Variants in ARID4A observed in about 807,000 individuals in gnomAD.
ARID4A encodes the protein AT-rich interaction domain 4A, also known as AT-rich interactive domain-containing protein 4A.
ARID4A carries 39 observed loss-of-function variants against 148.6 expected under a neutral mutation model. That is an observed-to-expected ratio of 0.26 (90% CI 0.20 to 0.34). The LOEUF (loss-of-function observed/expected upper bound fraction) is 0.34. ARID4A is among the 10% of genes least tolerant of loss of function. The probability of loss-of-function intolerance (pLI) is 1.00; values close to 1 mark genes in which losing one functional copy is unlikely to be tolerated. For synonymous variants in ARID4A, 475 were observed against 481.2 expected (o/e 0.99, Z 0.17); for missense variants, 1,265 against 1,449.1 (o/e 0.87, Z 2.06).
intron 3 of ARID4A, among the ~76,000 whole-genome samples, chr14:58,303,137 A>G (rs12323535): frequency 6.6e-6 from 1 of 151,932 alleles, no homozygotes; most frequent in African/African-American, 2.4e-5. Flanking sequence ...TCATATAGTT[A>G]ATGAAGTCCT....
In ARID4A at chr14:58,364,771, A is replaced by G; in HGVS notation, c.2682A>G (p.Gly894=). 1 of 1,614,150 alleles carries G rather than the reference A, an allele frequency of 6.2e-7. No individual in the cohort carries two copies. Among genetic ancestry groups the G allele is most frequent in the Non-Finnish European group, 8.5e-7 (1 of 1,180,010 alleles). ...ERTSDCIGSE[G]MKNLNFEQHF... The stretch of plus-strand genomic sequence containing the variant: ...CCAGTGATTGTATTGGATCTGAGGG[A>G]ATGAAAAACTTAAATTTTGAACAGC... Residue 894 remains glycine (G), a synonymous_variant, in exon 20 of 24, where the codon GGA becomes GGG. Coordinates refer to ENST00000355431, the MANE Select transcript of ARID4A (RefSeq NM_002892.4).
Position 58,371,922 on chromosome 14 carries a change from C to G in ARID4A, c.3707C>G (p.Ser1236Ter). 1 of 1,613,396 alleles carries G rather than the reference C, an allele frequency of 6.2e-7. No individual in the cohort carries two copies. Among genetic ancestry groups the G allele is most frequent in the Non-Finnish European group, 8.5e-7 (1 of 1,179,364 alleles). Residue 1236 changes from serine (S) to a stop codon, truncating the protein, a stop_gained, in exon 24 of 24, where the codon TCA (serine) becomes TGA (stop). Coordinates refer to ENST00000355431, the MANE Select transcript of ARID4A (RefSeq NM_002892.4). LOFTEE classifies it high-confidence loss of function. ...GGAGCCTCCATGTCATCTGCTTCAT[C>G]AGACACTGGAATGAGTCCCTCATCA... ...HAGASMSSAS[S>*]DTGMSPSSSS... is the part of the protein sequence containing the mutation.
intron 23 of ARID4A, among the ~76,000 whole-genome samples, chr14:58,370,729 C>T (rs1009298731): frequency 6.6e-6 from 1 of 152,106 alleles, no homozygotes; most frequent in Admixed American, 6.6e-5. Flanking sequence ...CCCACCTCAG[C>T]CTCCCGAGTA....
At chr14:58,350,928 A>C (rs1040977868) in intron 15 of ARID4A, 145 bp from the exon 16 acceptor site, 1 of 643,240 alleles carries the variant, frequency 1.6e-6, no homozygotes, top group Non-Finnish European at 2.4e-6. Context: ...TTTCAAAAGG[A>C]AGAGAAAGGT....
chr14:58,343,907 A>G (rs541482368), intron 11 of ARID4A, among the ~76,000 whole-genome samples: 5 of 152,020 alleles, frequency 3.3e-5, no homozygotes, highest in East Asian at 1.9e-4. Context: ...GATCATTTAT[A>G]TGGAGGAAAC....
At position 58,328,283 on chromosome 14, in the gene ARID4A, A is replaced by G. The variant is rs2033326705; in HGVS notation, c.629A>G (p.Gln210Arg). Residue 210 changes from glutamine to arginine, a missense_variant, in exon 9 of 24, where the codon CAG (glutamine) becomes CGG (arginine). Physicochemically the swap from Gln to Arg is conservative, Grantham distance 43. Coordinates refer to ENST00000355431, the MANE Select transcript of ARID4A (RefSeq NM_002892.4). ...GATGACATCACAGTGAAAAAGGATC[A>G]GTGTTTAGTTCGATCATTTATTGAT... ...CNDDITVKKD[Q>R]CLVRSFIDSK... 6.2e-7 allele frequency: 1 copy of G among 1,605,270 alleles called. No individual in the cohort carries two copies. Among genetic ancestry groups the G allele is most frequent in the African/African-American group, 1.3e-5 (1 of 74,670 alleles).
rs1432091465 is a variant in ARID4A, at chr14:58,366,292, T to C, written c.3523+62T>C. On this transcript the variant is annotated intron_variant, in intron 22 of 23. Coordinates refer to ENST00000355431, the MANE Select transcript of ARID4A (RefSeq NM_002892.4). ...GTAAAGTGGAATAGATCTTAAAATATCAACTTGGATTAATGTTAATAAAAT... is the reference window on the plus strand; with the variant it reads ...GTAAAGTGGAATAGATCTTAAAATACCAACTTGGATTAATGTTAATAAAAT... The C allele has an allele frequency of 3.2e-6, 4 of 1,245,622 alleles. No homozygotes were observed. The African/African-American group carries it at 6.1e-5, about 19-fold the overall frequency. 77.2% of individuals were successfully genotyped at this position (1,245,622 alleles called of 1,614,324 possible).
Position 58,344,780 on chromosome 14 carries a change from T to A in ARID4A, c.979+13T>A. 6.3e-7 allele frequency: 1 copy of A among 1,594,586 alleles called. No homozygotes were observed. The highest frequency in any genetic ancestry group is 1.1e-5 in the South Asian group (1 of 89,648). ...ATGGAAGACAGAGGTATTTTCATGC[T>A]CATTATTTTAAAGTAGTCATTTCTT... On this transcript the variant is annotated intron_variant, in intron 12 of 23. Transcript: ENST00000355431.
chr14:58,318,423 T>A, intron 5 of ARID4A, 119 bp from the exon 6 acceptor site: 3 of 1,023,598 alleles, frequency 2.9e-6, no homozygotes, highest in East Asian at 5.2e-5. Flanking sequence ...GAAAAATGAC[T>A]AAAATAATGG....
At chr14:58,342,828 G>A (rs1019509105) in intron 11 of ARID4A, among the ~76,000 whole-genome samples, 18 of 152,186 alleles carry the variant, frequency 1.2e-4, no homozygotes, top group Admixed American at 7.2e-4. Flanking sequence ...AAGGAGAATC[G>A]CTTGAACTCG....
At chr14:58,303,927 T>C (rs545448825) in intron 3 of ARID4A, among the ~76,000 whole-genome samples, 2 of 152,226 alleles carry the variant, frequency 1.3e-5, no homozygotes, top group African/African-American at 4.8e-5. Context: ...CTGGCCAAAA[T>C]GTTGAAACCC....
rs573710901 is a variant in ARID4A, at chr14:58,302,248, C to T, written c.117+558C>T. ...GTGACTCACGCCTGTAATCCCAGCA[C>T]TTTGGGAGGCTGAGGTGGGTGGATC... On this transcript the variant is annotated intron_variant, in intron 3 of 23. Coordinates refer to ENST00000355431, the MANE Select transcript of ARID4A (RefSeq NM_002892.4). 6.6e-5 allele frequency among the ~76,000 whole-genome samples: 10 copies of T among 152,252 alleles called. No homozygotes were observed. The South Asian group carries it at 2.1e-3, about 32-fold the overall frequency.
chr14:58,369,247 T>A (rs1056258436), intron 23 of ARID4A, among the ~76,000 whole-genome samples: 7 of 151,722 alleles, frequency 4.6e-5, no homozygotes, highest in African/African-American at 1.7e-4. Flanking sequence ...AGGATATGAG[T>A]TAGAAAAGGA....
intron 15 of ARID4A, among the ~76,000 whole-genome samples, chr14:58,349,066 T>TTTGATATTCTAGGTACTTTTATATAA (rs1318837775): frequency 6.6e-6 from 1 of 152,182 alleles, no homozygotes; most frequent in Non-Finnish European, 1.5e-5. Context: ...TACCTATGAA[T>TTTGATATTCTAGGTACTTTTATATAA]TTGATATTCT....
intron 8 of ARID4A, 86 bp from the exon 9 acceptor site, chr14:58,328,150 TA>T: frequency 1.1e-5 from 10 of 904,644 alleles, no homozygotes; most frequent in Non-Finnish European, 1.8e-5. Context: ...TTTGAGAAGT[TA>T]GGGGATCCAG....
intron 11 of ARID4A, among the ~76,000 whole-genome samples, chr14:58,337,827 T>C (rs185267102): frequency 1.2e-4 from 18 of 152,334 alleles, no homozygotes; most frequent in African/African-American, 4.3e-4. Context: ...TAAACATCTT[T>C]ATAAAACATA....
intron 11 of ARID4A, among the ~76,000 whole-genome samples, chr14:58,341,934 T>TA (rs1469983940): frequency 2.0e-5 from 3 of 152,214 alleles, no homozygotes; most frequent in African/African-American, 4.8e-5. Context: ...CCCATTCTTA[T>TA]AACCCTCTCG....
intron 8 of ARID4A, among the ~76,000 whole-genome samples, chr14:58,323,939 C>A (rs1158735135): frequency 4.3e-5 from 5 of 116,734 alleles, no homozygotes; most frequent in Non-Finnish European, 8.1e-5. Flanking sequence ...GAGTCTCGCT[C>A]TGTCGCCCAG....
intron 12 of ARID4A, among the ~76,000 whole-genome samples, chr14:58,344,998 G>C (rs1370043138): frequency 6.6e-6 from 1 of 152,024 alleles, no homozygotes; most frequent in South Asian, 2.1e-4. Context: ...TCAGCCTCTC[G>C]AGTAGCTGGG....
Sources: allele counts gnomAD v4.1 joint callset (sites outside exome capture counted in the v4.1 genomes callset), GRCh38; gene constraint gnomAD v4.1.1; transcripts MANE v1.5; gene names NCBI Gene and HGNC (gene_info 2026-07-23, HGNC 2026-07-21).